The following MARCHF2 variants were observed in gnomAD, a reference collection of about 807,000 sequenced individuals.
MARCHF2 encodes the protein membrane associated ring-CH-type finger 2, also known as E3 ubiquitin-protein ligase MARCHF2.
Under a neutral mutation model 24.0 loss-of-function variants are expected in MARCHF2, and 22 were observed. That is an observed-to-expected ratio of 0.92 (90% confidence interval 0.66 to 1.31). The LOEUF is 1.31. Ranked by LOEUF, MARCHF2 falls within the 50% of genes most tolerant of loss-of-function variation. MARCHF2 has a pLI of 0.00. For synonymous variants in MARCHF2, 154 were observed against 153.0 expected, an observed-to-expected ratio of 1.01 and a Z score of -0.05; for missense variants, 301 against 335.3, an observed-to-expected ratio of 0.90 and a Z score of 0.80.
chr19:8,435,424 C>T (rs1967689714), intron 4 of MARCHF2, among the ~76,000 whole-genome samples: 1 of 152,128 alleles, frequency 6.6e-6, no homozygotes, highest in Admixed American at 6.6e-5. Context: ...TCCATACGCA[C>T]ACAACTTGCA....
intron 1 of MARCHF2, among the ~76,000 whole-genome samples, chr19:8,415,964 C>T (rs1422068448): frequency 6.6e-6 from 1 of 151,982 alleles, no homozygotes; most frequent in Non-Finnish European, 1.5e-5. Context: ...CTCTGATGCC[C>T]ACCACAGGGG....
chr19:8,430,778 G>T lies in MARCHF2; in HGVS notation c.493G>T (p.Asp165Tyr). 6.2e-7 allele frequency: 1 copy of T among 1,611,056 alleles called. No homozygotes were observed. The highest frequency in any genetic ancestry group is 8.5e-7 in the Non-Finnish European group (1 of 1,180,008). ...SGWLCLRGAQ[D>Y]HLRLHSQLEA... ...CTGGTTGTGCCTGCGCGGGGCCCAG[G>T]ACCACCTCCGGCTCCACAGCCAGCT... Residue 165 changes from aspartate (D) to tyrosine (Y), a missense_variant, in exon 4 of 5, where the codon GAC becomes TAC. Physicochemically the swap from Asp to Tyr is radical, Grantham distance 160 (BLOSUM62 -3). Coordinates refer to ENST00000215555, the MANE Select transcript of MARCHF2 (RefSeq NM_001005415.2). This position sits in a 1 kb window ranked among gnomAD's most constrained non-coding sequence, Gnocchi z 4.4.
rs1009578781 is a variant in MARCHF2, at chr19:8,419,823, A to T, written c.-52-1966A>T. Among the ~76,000 whole-genome samples, 3 of 136,012 alleles carry T rather than the reference A, an allele frequency of 2.2e-5. 1 individual carries two copies. Among genetic ancestry groups the T allele is most frequent in the African/African-American group, 8.5e-5 (3 of 35,390 alleles). The allele number at this position is 136,012 out of a possible 152,430, so 89.2% of individuals were successfully genotyped here. A position where few individuals can be genotyped will look rare whatever the true frequency, so the allele number is the denominator to read the frequency against. ...AGAGCAAGACTCCGTCTCAAAAAAA[A>T]AATAAATAAATAAATAAATAAAAAT... On this transcript the variant is annotated intron_variant, in intron 1 of 4. Coordinates refer to ENST00000215555, the MANE Select transcript of MARCHF2 (RefSeq NM_001005415.2).
At position 8,421,740 on chromosome 19, in the gene MARCHF2, G is replaced by A. The variant is rs75274937; in HGVS notation, c.-52-49G>A. 7.8e-3 allele frequency: 8,431 copies of A among 1,083,176 alleles called. 183 individuals are homozygous for A. The highest frequency in any genetic ancestry group is 0.071 in the African/African-American group (4,496 of 62,942). The allele number at this position is 1,083,176 out of a possible 1,614,324, so 67.1% of individuals were successfully genotyped here. A position where few individuals can be genotyped will look rare whatever the true frequency, so the allele number is the denominator to read the frequency against. ...CAAGAGGGGACTCAAACCTTAGTCC[G>A]TCAGGCTCATTAACCTTGCCCCTAA... On this transcript the variant is annotated intron_variant, in intron 1 of 4. Transcript: ENST00000215555.
At chr19:8,417,462 T>C (rs1033035163) in intron 1 of MARCHF2, among the ~76,000 whole-genome samples, 1 of 151,922 alleles carries the variant, frequency 6.6e-6, no homozygotes, top group African/African-American at 2.4e-5. Flanking sequence ...GGCGGGGGGA[T>C]GAAGTCTTGC....
In MARCHF2 at chr19:8,438,385, C is replaced by T. The variant is rs536030582; in HGVS notation, c.583-3C>T. On this transcript the variant is annotated splice_region_variant and splice_polypyrimidine_tract_variant and intron_variant, in intron 4 of 4. Coordinates refer to ENST00000215555, the MANE Select transcript of MARCHF2 (RefSeq NM_001005415.2). Reference sequence around the variant, plus strand: ...CTCCGCTCACTGCAGGGCTGCCCCACAGGTCTCCTTCCGCTACCACTGCCA... The same window carrying T: ...CTCCGCTCACTGCAGGGCTGCCCCATAGGTCTCCTTCCGCTACCACTGCCA... 13 of 1,613,254 alleles carry T rather than the reference C, an allele frequency of 8.1e-6. No individual in the cohort carries two copies. The South Asian group carries it at 1.1e-4, about 14-fold the overall frequency.
At chr19:8,431,497 CAAAAAAAA>C (rs60782968) in intron 4 of MARCHF2, among the ~76,000 whole-genome samples, 3 of 57,498 alleles carry the variant, frequency 5.2e-5, no homozygotes, top group South Asian at 7.2e-4. Context: ...AACTCGATCT[CAAAAAAAA>C]AAAAAAAAAA....
intron 4 of MARCHF2, among the ~76,000 whole-genome samples, chr19:8,436,683 T>C (rs1599719058): frequency 7.0e-6 from 1 of 142,588 alleles, no homozygotes; most frequent in South Asian, 2.3e-4. Flanking sequence ...CTTTCTTTTT[T>C]TTTTTTTTTT....
At position 8,425,805 on chromosome 19, in the gene MARCHF2, C is replaced by T. The variant is rs1967383043; in HGVS notation, c.177-804C>T. On this transcript the variant is annotated intron_variant, in intron 2 of 4. Coordinates refer to ENST00000215555, the MANE Select transcript of MARCHF2 (RefSeq NM_001005415.2). ...CTAATTTTTGTATTTTTAGTAGAGA[C>T]GGGGTTTCACCATGTTGGCCAGGCT... 3.3e-5 allele frequency among the ~76,000 whole-genome samples: 5 copies of T among 151,462 alleles called. No individual in the cohort carries two copies. The South Asian group carries it at 1.0e-3, about 32-fold the overall frequency.
intron 3 of MARCHF2, among the ~76,000 whole-genome samples, chr19:8,429,226 C>A (rs1967506996): frequency 6.6e-6 from 1 of 152,066 alleles, no homozygotes. Context: ...CTTGGCAAGG[C>A]CTTGCCCCAT....
chr19:8,424,463 C>T lies in MARCHF2; in HGVS notation c.177-2146C>T, dbSNP rs188366820. Among the ~76,000 whole-genome samples, 917 of 151,774 alleles carry T rather than the reference C, an allele frequency of 6.0e-3. 10 individuals carry two copies. The highest frequency in any genetic ancestry group is 0.021 in the African/African-American group (865 of 41,380). On this transcript the variant is annotated intron_variant, in intron 2 of 4. Coordinates refer to ENST00000215555, the MANE Select transcript of MARCHF2 (RefSeq NM_001005415.2). ...CGGGTGGATCACGAGGTCAGGAGAT[C>T]GAGACCATCCTGGCTAACACGGTGA...
chr19:8,426,877 C>G (rs1967418295), intron 3 of MARCHF2, 73 bp downstream of exon 3: 1 of 1,413,618 alleles, frequency 7.1e-7, no homozygotes, highest in Non-Finnish European at 9.7e-7. Context: ...GCAGGAGCTG[C>G]CCCGGGCAAT....
At chr19:8,428,478 ACT>A (rs762133006) in intron 3 of MARCHF2, among the ~76,000 whole-genome samples, 2 of 150,468 alleles carry the variant, frequency 1.3e-5, no homozygotes, top group Non-Finnish European at 3.0e-5. Context: ...ACAAAGCAAA[ACT>A]CTGTCTCAAA....
chr19:8,430,683 C>A lies in MARCHF2; in HGVS notation c.398C>A (p.Thr133Lys), dbSNP rs372931477. The A allele has an allele frequency of 6.2e-7, 1 of 1,609,726 alleles. No homozygotes were observed. The highest frequency in any genetic ancestry group is 8.5e-7 in the Non-Finnish European group (1 of 1,179,888). The change falls in exon 4 of 5, where the codon ACG becomes AAG. Residue 133 changes from threonine to lysine, a missense_variant. Thr to Lys is a moderately conservative substitution (Grantham distance 78). Coordinates refer to ENST00000215555, the MANE Select transcript of MARCHF2 (RefSeq NM_001005415.2). The surrounding 1 kb of genome is among the most constrained non-coding windows in gnomAD (Gnocchi z 4.4). The stretch of plus-strand genomic sequence containing the variant: ...TGGCTGAAGGACCCGGGGCCGCGGA[C>A]GGAGAAGCGGACACTGTGCTGCGAC... ...TEWLKDPGPRTEKRTLCCDMV... is the reference protein window; with the variant it reads ...TEWLKDPGPRKEKRTLCCDMV...
chr19:8,438,327 G>C, intron 4 of MARCHF2, 61 bp from the exon 5 acceptor site: 1 of 1,580,698 alleles, frequency 6.3e-7, no homozygotes, highest in Non-Finnish European at 8.7e-7. Flanking sequence ...GTGCCACCAC[G>C]GCGACTTGTT....
At chr19:8,429,802 GCT>G (rs1491390394) in intron 3 of MARCHF2, among the ~76,000 whole-genome samples, 11 of 115,054 alleles carry the variant, frequency 9.6e-5, no homozygotes, top group Non-Finnish European at 1.4e-4. Context: ...CCACACCAGG[GCT>G]TTTTTTTTTT....
intron 1 of MARCHF2, among the ~76,000 whole-genome samples, chr19:8,421,382 C>CT (rs1254772289): frequency 0.035 from 3,876 of 111,590 alleles, 192 homozygotes; most frequent in African/African-American, 0.087. Flanking sequence ...TCTTTCTTTT[C>CT]TTTTTTTTTT....
chr19:8,432,516 T>C (rs911895108), intron 4 of MARCHF2, among the ~76,000 whole-genome samples: 6 of 151,914 alleles, frequency 3.9e-5, no homozygotes, highest in African/African-American at 9.7e-5. Context: ...TAGCTGGGCA[T>C]GTTGGCTCAC....
intron 2 of MARCHF2, among the ~76,000 whole-genome samples, chr19:8,425,860 C>T (rs974310835): frequency 1.3e-5 from 2 of 151,622 alleles, no homozygotes; most frequent in Non-Finnish European, 2.9e-5. Flanking sequence ...CATGATCCTC[C>T]TGCCTTGGCC....
Sources: gnomAD v4.1 joint callset for allele counts (sites outside exome capture counted in the v4.1 genomes callset) on GRCh38, gnomAD v4.1.1 for gene constraint, Gnocchi (gnomAD v3.1) non-coding constraint, MANE v1.5 for transcripts, NCBI Gene and HGNC (gene_info 2026-07-23, HGNC 2026-07-21) for gene names.